The following PUM2 variants were observed in gnomAD, a reference collection of about 807,000 sequenced individuals.
PUM2 encodes pumilio homolog 2.
PUM2 carries 57 observed loss-of-function variants against 124.5 expected under a neutral mutation model. That is an observed-to-expected ratio of 0.46 (90% CI 0.37 to 0.57). The LOEUF is 0.57. PUM2 is among the 20% of genes least tolerant of loss of function. PUM2 has a pLI of 0.00. For synonymous variants in PUM2, 460 were observed against 446.1 expected (o/e 1.03, Z -0.39); for missense variants, 1,065 against 1,290.6 (o/e 0.83, Z 2.68).
At chr2:20,285,727 T>C (rs1034246336) in intron 10 of PUM2, among the ~76,000 whole-genome samples, 2 of 152,086 alleles carry the variant, frequency 1.3e-5, no homozygotes, top group African/African-American at 4.8e-5. Flanking sequence ...AGGAAAAATA[T>C]CCTTAAAGGA....
intron 15 of PUM2, among the ~76,000 whole-genome samples, chr2:20,259,268 G>A (rs866532637): frequency 2.6e-5 from 4 of 152,150 alleles, no homozygotes; most frequent in South Asian, 4.1e-4. Context: ...AGTGGTTCAT[G>A]TTAAAATTTT....
chr2:20,287,068 C>T lies in PUM2; in HGVS notation c.1292-3582G>A, dbSNP rs564068399. Among the ~76,000 whole-genome samples the T allele has an allele frequency of 5.3e-5, 8 of 152,222 alleles. No homozygotes were observed. The East Asian group carries it at 9.6e-4, about 18-fold the overall frequency. On this transcript the variant is annotated intron_variant, in intron 10 of 20. Coordinates refer to ENST00000361078, the MANE Select transcript of PUM2 (RefSeq NM_015317.5). ...AACAAAAACAAAAAAACATGGTCCT[C>T]GTACTCAAGAATTATGCAATCTAGC... is the stretch of plus-strand genomic sequence containing the variant.
intron 13 of PUM2, among the ~76,000 whole-genome samples, chr2:20,270,138 T>C (rs917999139): frequency 2.0e-5 from 3 of 152,106 alleles, no homozygotes; most frequent in South Asian, 2.1e-4. Context: ...AAAAGAGTAG[T>C]AGTAGTAGGA....
chr2:20,251,846 T>C, intron 20 of PUM2, 130 bp from the exon 21 acceptor site: 1 of 1,151,088 alleles, frequency 8.7e-7, no homozygotes, highest in Non-Finnish European at 1.2e-6. Flanking sequence ...CAAAGAAAGC[T>C]ACTTTTTGCA....
chr2:20,299,972 A>T (rs1472076659), intron 7 of PUM2, among the ~76,000 whole-genome samples: 1 of 152,206 alleles, frequency 6.6e-6, no homozygotes, highest in Non-Finnish European at 1.5e-5. Context: ...TTGTGATAAG[A>T]GGTTGTGGAA....
chr2:20,252,351 G>C (rs1402890816), intron 20 of PUM2, among the ~76,000 whole-genome samples: 1 of 152,108 alleles, frequency 6.6e-6, no homozygotes, highest in Non-Finnish European at 1.5e-5. Flanking sequence ...GTTGAGGCTA[G>C]AGTTAGCCGA....
At chr2:20,315,725 C>T (rs1189406959) in intron 3 of PUM2, among the ~76,000 whole-genome samples, 3 of 150,788 alleles carry the variant, frequency 2.0e-5, no homozygotes, top group Non-Finnish European at 4.4e-5. Context: ...CTTCGGGAGG[C>T]TGAGGCAGGT....
At chr2:20,326,202 T>A in intron 2 of PUM2, 1 of 1,230,184 alleles carries the variant, frequency 8.1e-7, no homozygotes, top group Non-Finnish European at 1.1e-6. Context: ...AATTTTACCT[T>A]ATGCACTGGT....
chr2:20,290,624 A>T (rs143513104), intron 10 of PUM2, 28 bp downstream of exon 10: 3 of 1,582,818 alleles, frequency 1.9e-6, no homozygotes, highest in Non-Finnish European at 2.6e-6. Flanking sequence ...AAATCTATTC[A>T]AATTTCCACA....
intron 5 of PUM2, among the ~76,000 whole-genome samples, chr2:20,310,072 C>T (rs766322617): frequency 1.3e-5 from 2 of 151,988 alleles, no homozygotes; most frequent in Non-Finnish European, 2.9e-5. Context: ...AGTTCTTTTA[C>T]TCATTTCTGT....
At chr2:20,350,406 C>T in intron 1 of PUM2, 191 bp downstream of exon 1, 1 of 882,148 alleles carries the variant, frequency 1.1e-6, no homozygotes, top group South Asian at 5.2e-5. Flanking sequence ...CGCACGCGCA[C>T]ACCCCCTTCC....
intron 10 of PUM2, among the ~76,000 whole-genome samples, chr2:20,285,961 G>A (rs1672617744): frequency 6.6e-6 from 1 of 152,118 alleles, no homozygotes; most frequent in Non-Finnish European, 1.5e-5. Flanking sequence ...TAGTCAAGCA[G>A]ATATCTGTAG....
At chr2:20,287,771 G>A (rs1436537307) in intron 10 of PUM2, among the ~76,000 whole-genome samples, 2 of 152,196 alleles carry the variant, frequency 1.3e-5, no homozygotes, top group African/African-American at 4.8e-5. Flanking sequence ...CAAGTTATTG[G>A]ATGTGGAGGC....
At chr2:20,321,187 C>G (rs768510531) in intron 2 of PUM2, among the ~76,000 whole-genome samples, 24 of 152,086 alleles carry the variant, frequency 1.6e-4, no homozygotes, top group Admixed American at 3.9e-4. Flanking sequence ...ACTCAGGAGG[C>G]TGGGCAAGAA....
At chr2:20,348,683 A>C (rs1440493492) in intron 1 of PUM2, among the ~76,000 whole-genome samples, 1 of 152,024 alleles carries the variant, frequency 6.6e-6, no homozygotes, top group Non-Finnish European at 1.5e-5. Flanking sequence ...TAATCCCGGC[A>C]CTCTGGGAGG....
At chr2:20,332,780 T>C (rs1266939569) in intron 1 of PUM2, among the ~76,000 whole-genome samples, 7 of 152,216 alleles carry the variant, frequency 4.6e-5, no homozygotes, top group African/African-American at 7.2e-5. Context: ...AGATCTTTTC[T>C]AACAAGCAAT....
intron 13 of PUM2, among the ~76,000 whole-genome samples, chr2:20,269,326 G>A (rs1318279129): frequency 2.0e-5 from 3 of 151,804 alleles, no homozygotes; most frequent in Non-Finnish European, 4.4e-5. Flanking sequence ...TCAGCCTCCC[G>A]AGTAGCTGGG....
At chr2:20,331,121 T>G (rs1022716792) in intron 1 of PUM2, among the ~76,000 whole-genome samples, 7 of 142,036 alleles carry the variant, frequency 4.9e-5, no homozygotes, top group Non-Finnish European at 9.5e-5. Flanking sequence ...TTCAGACAAC[T>G]TGGGGAGAGG....
rs1396693454 is a variant in PUM2 at position 20,249,463 on chromosome 2, G to A, written c.*2122C>T. ...GATGACCCAGAGTGACTATGAGAAG[G>A]AACGGTGACAAGTGTTTGGATTTAA... is the stretch of plus-strand genomic sequence containing the variant. On this transcript the variant is annotated 3_prime_UTR_variant, in exon 21 of 21. Transcript: ENST00000361078. The A allele has an allele frequency of 6.5e-6, 1 of 152,760 alleles. No individual in the cohort carries two copies. Among genetic ancestry groups the A allele is most frequent in the East Asian group, 1.9e-4 (1 of 5,190 alleles). 9.5% of individuals were successfully genotyped at this position (152,760 alleles called of 1,614,324 possible). A position where few individuals can be genotyped will look rare whatever the true frequency, so the allele number is the denominator to read the frequency against.
Sources: allele counts gnomAD v4.1 joint callset (sites outside exome capture counted in the v4.1 genomes callset), GRCh38; gene constraint gnomAD v4.1.1; transcripts MANE v1.5; gene names NCBI Gene and HGNC (gene_info 2026-07-23, HGNC 2026-07-21).